ADAMTS20: variants seen among roughly 807,000 people sequenced by gnomAD.
ADAMTS20 encodes the protein ADAM metallopeptidase with thrombospondin type 1 motif 20.
ADAMTS20 carries 225 observed loss-of-function variants against 260.1 expected under a neutral mutation model. That is an observed-to-expected ratio of 0.87 (90% CI 0.78 to 0.97). The LOEUF is 0.97. Among genes scored for constraint, ADAMTS20 ranks in the 50% least tolerant of loss-of-function variants. The probability of loss-of-function intolerance (pLI) is 0.00; values close to 1 mark genes in which losing one functional copy is unlikely to be tolerated. For synonymous variants in ADAMTS20, 802 were observed against 769.5 expected (o/e 1.04, Z -0.70); for missense variants, 2,400 against 2,337.7 (o/e 1.03, Z -0.55).
intron 21 of ADAMTS20, 75 bp from the exon 22 acceptor site, chr12:43,431,571 A>G: frequency 6.7e-7 from 1 of 1,498,862 alleles, no homozygotes. Context: ...TGCAATGATC[A>G]ATTTGCATAT....
At chr12:43,433,697 CACACAA>C (rs1404633976) in intron 19 of ADAMTS20, 11 of 289,710 alleles carry the variant, frequency 3.8e-5, no homozygotes, top group Admixed American at 1.8e-4. Flanking sequence ...CACACATGCA[CACACAA>C]ACACACACAC....
intron 7 of ADAMTS20, among the ~76,000 whole-genome samples, chr12:43,485,111 A>G (rs1375584821): frequency 1.4e-5 from 1 of 72,216 alleles, no homozygotes; most frequent in Non-Finnish European, 3.1e-5. Flanking sequence ...AAAAAAAAAA[A>G]GCAACAACAA....
chr12:43,366,287 T>A (rs1939984472), intron 37 of ADAMTS20, among the ~76,000 whole-genome samples: 1 of 151,850 alleles, frequency 6.6e-6, no homozygotes. Context: ...TAGGAAGTTA[T>A]GACAGTTATA....
intron 11 of ADAMTS20, among the ~76,000 whole-genome samples, chr12:43,457,394 T>C (rs781310832): frequency 1.1e-4 from 17 of 152,218 alleles, no homozygotes; most frequent in Non-Finnish European, 2.4e-4. Flanking sequence ...TTGGAATGTC[T>C]CTCCAGGCTC....
chr12:43,506,379 A>G (rs1942842519), intron 3 of ADAMTS20, among the ~76,000 whole-genome samples: 1 of 152,230 alleles, frequency 6.6e-6, no homozygotes, highest in South Asian at 2.1e-4. Flanking sequence ...TCAGTTTGCA[A>G]GATGAAAAAG....
chr12:43,534,180 G>A (rs1293707511), intron 2 of ADAMTS20, among the ~76,000 whole-genome samples: 1 of 134,202 alleles, frequency 7.5e-6, no homozygotes, highest in East Asian at 2.2e-4. Flanking sequence ...TACCATCAGA[G>A]TGAACAGGCA....
chr12:43,499,169 G>C (rs1465484862), intron 4 of ADAMTS20, among the ~76,000 whole-genome samples: 1 of 152,098 alleles, frequency 6.6e-6, no homozygotes, highest in African/African-American at 2.4e-5. Context: ...CTTATATTTG[G>C]AATGCACACC....
At position 43,446,851 on chromosome 12, in the gene ADAMTS20, T is replaced by C. The variant is rs1425333458; in HGVS notation, c.2080-139A>G. ...AGAAATATAGATAACTCTCAGAGGC[T>C]ACTATGAACACCTCTATGCACATGA... On this transcript the variant is annotated intron_variant, in intron 14 of 38. Coordinates refer to ENST00000389420, the MANE Select transcript of ADAMTS20 (RefSeq NM_025003.5). 7.4e-6 allele frequency: 5 copies of C among 673,116 alleles called. No homozygotes were observed. The East Asian group carries it at 1.4e-4, about 19-fold the overall frequency. The allele number at this position is 673,116 out of a possible 1,614,324, so 41.7% of individuals were successfully genotyped here.
chr12:43,376,945 T>C (rs1016904893), intron 32 of ADAMTS20, among the ~76,000 whole-genome samples: 1 of 152,252 alleles, frequency 6.6e-6, no homozygotes, highest in African/African-American at 2.4e-5. Flanking sequence ...GTGATGGTAA[T>C]TAAAACTATC....
intron 7 of ADAMTS20, among the ~76,000 whole-genome samples, chr12:43,484,770 G>A (rs950937042): frequency 1.3e-5 from 2 of 152,066 alleles, no homozygotes; most frequent in African/African-American, 2.4e-5. Flanking sequence ...ATCTATTTGA[G>A]GGAATAACTG....
intron 14 of ADAMTS20, among the ~76,000 whole-genome samples, chr12:43,451,605 G>T (rs752686549): frequency 3.3e-5 from 5 of 151,998 alleles, no homozygotes; most frequent in African/African-American, 1.2e-4. Context: ...AGTCTTATGC[G>T]CTCCATAAAA....
chr12:43,430,239 G>A (rs10880489), intron 23 of ADAMTS20, 113 bp downstream of exon 23: 1 of 1,289,870 alleles, frequency 7.8e-7, no homozygotes, highest in Non-Finnish European at 1.0e-6. Context: ...ACATACACGT[G>A]TTTAAGGCAT....
intron 36 of ADAMTS20, among the ~76,000 whole-genome samples, chr12:43,373,436 G>A (rs1031440028): frequency 6.6e-6 from 1 of 152,052 alleles, no homozygotes; most frequent in Middle Eastern, 3.4e-3. Context: ...GGCTTCCCTG[G>A]GCCACACTGG....
At chr12:43,545,098 G>A (rs75256703) in intron 2 of ADAMTS20, among the ~76,000 whole-genome samples, 1 of 152,126 alleles carries the variant, frequency 6.6e-6, no homozygotes, top group Non-Finnish European at 1.5e-5. Flanking sequence ...GTAGCATACG[G>A]TCCATAGGTA....
rs371753153 is a variant in ADAMTS20 at position 43,468,622 on chromosome 12, T to C, written c.1201A>G (p.Ile401Val). 6 of 1,609,554 alleles carry C rather than the reference T, an allele frequency of 3.7e-6. No individual in the cohort carries two copies. Among genetic ancestry groups the C allele is most frequent in the Admixed American group, 1.7e-5 (1 of 59,388 alleles). Residue 401 changes from isoleucine (I) to valine (V), a missense_variant, in exon 8 of 39, where the codon ATA becomes GTA. Transcript: ENST00000389420. ...TACGTGTGCCCAAGCTCATGGGCTA[T>C]AGTAAAAGCAGAAATGAGTCCTTTT... Reference protein sequence around the residue: ...EEKGLISAFTIAHELGHTLGV... With the variant: ...EEKGLISAFTVAHELGHTLGV...
intron 36 of ADAMTS20, among the ~76,000 whole-genome samples, chr12:43,370,710 T>C (rs567311478): frequency 1.4e-4 from 21 of 152,296 alleles, no homozygotes; most frequent in Non-Finnish European, 2.5e-4. Context: ...TGCATTATCT[T>C]TTTCTCCAAA....
At chr12:43,430,143 TAA>T (rs11397756) in intron 23 of ADAMTS20, among the ~76,000 whole-genome samples, 7 of 127,382 alleles carry the variant, frequency 5.5e-5, no homozygotes, top group Admixed American at 1.5e-4. Flanking sequence ...AGATAAAGAG[TAA>T]AAAAAAAAAA....
chr12:43,497,567 GA>G, intron 4 of ADAMTS20, among the ~76,000 whole-genome samples: 1 of 152,040 alleles, frequency 6.6e-6, no homozygotes, highest in East Asian at 1.9e-4. Flanking sequence ...AAATAATTAA[GA>G]ATATGCAGAG....
chr12:43,447,451 G>T (rs1941784159), intron 14 of ADAMTS20, among the ~76,000 whole-genome samples: 1 of 152,114 alleles, frequency 6.6e-6, no homozygotes, highest in Non-Finnish European at 1.5e-5. Flanking sequence ...ACTCCTTCAT[G>T]TTAAGAGCTC....
Sources: gnomAD v4.1 joint callset for allele counts (sites outside exome capture counted in the v4.1 genomes callset) on GRCh38, gnomAD v4.1.1 for gene constraint, MANE v1.5 for transcripts, NCBI Gene and HGNC (gene_info 2026-07-23, HGNC 2026-07-21) for gene names.